The following PCDHGA1 variants were observed in gnomAD, a reference collection of about 807,000 sequenced individuals.
PCDHGA1 encodes the protein protocadherin gamma subfamily A, 1.
In PCDHGA1, 32 loss-of-function variants were observed where a neutral mutation model predicts 58.0. The ratio of observed to expected loss-of-function variants is 0.55; its 90% CI spans 0.42 to 0.74. The LOEUF (loss-of-function observed/expected upper bound fraction) is 0.74. Ranked by LOEUF, PCDHGA1 falls within the 30% of genes least tolerant of loss-of-function variation. The pLI is 0.00. For missense variants in PCDHGA1, 1,205 were observed against 1,182.3 expected, an observed-to-expected ratio of 1.02 and a Z score of -0.28; for synonymous variants, 498 against 501.1, an observed-to-expected ratio of 0.99 and a Z score of 0.08.
chr5:141,490,793 C>T lies in PCDHGA1; in HGVS notation c.2422-4014C>T, dbSNP rs2233608. 6 of 1,613,812 alleles carry T rather than the reference C, an allele frequency of 3.7e-6. No homozygotes were observed. The East Asian group carries it at 1.3e-4, about 36-fold the overall frequency. On this transcript the variant is annotated intron_variant, in intron 1 of 3. Transcript: ENST00000517417. This position sits in a 1 kb window ranked among gnomAD's most constrained non-coding sequence, Gnocchi z 5.4. Reference sequence around the variant, plus strand: ...AACCCAGAGGATGGACGGATCTTTGCCCAGCGTACCTTTGACTATGAATTG... The same window carrying T: ...AACCCAGAGGATGGACGGATCTTTGTCCAGCGTACCTTTGACTATGAATTG...
intron 1 of PCDHGA1, chr5:141,338,839 G>C: frequency 7.2e-7 from 1 of 1,393,596 alleles, no homozygotes; most frequent in Non-Finnish European, 9.3e-7. Flanking sequence ...AAATTCAGTC[G>C]AACAGCCCAC....
At chr5:141,344,519 A>AG in intron 1 of PCDHGA1, 1 of 1,613,986 alleles carries the variant, frequency 6.2e-7, no homozygotes, top group Non-Finnish European at 8.5e-7. Flanking sequence ...ACCCAGATGT[A>AG]GGCATTAACT....
Position 141,485,943 on chromosome 5 carries a change from C to T in PCDHGA1, c.2422-8864C>T, listed in dbSNP as rs750871245. On this transcript the variant is annotated intron_variant, in intron 1 of 3. Transcript: ENST00000517417. This position sits in a 1 kb window ranked among gnomAD's most constrained non-coding sequence, Gnocchi z 5.7. Reference sequence around the variant, plus strand: ...ATTAGTGTGTTGGAGAGCGCACCAGCGGGCATGGTGCTCATCCAGCTCAAT... The same window carrying T: ...ATTAGTGTGTTGGAGAGCGCACCAGTGGGCATGGTGCTCATCCAGCTCAAT... The T allele has an allele frequency of 1.9e-6, 3 of 1,614,126 alleles. No homozygotes were observed. In the South Asian group the frequency reaches 3.3e-5, roughly 18 times the overall value.
chr5:141,336,324 G>A (rs189809573), intron 1 of PCDHGA1, among the ~76,000 whole-genome samples: 163 of 152,062 alleles, frequency 1.1e-3, no homozygotes, highest in Middle Eastern at 3.4e-3. Flanking sequence ...GAATCCAGCC[G>A]GGGCAGTATA....
chr5:141,347,911 C>T (rs1478435010), intron 1 of PCDHGA1, among the ~76,000 whole-genome samples: 1 of 152,138 alleles, frequency 6.6e-6, no homozygotes, highest in African/African-American at 2.4e-5. Flanking sequence ...GGGTGGAAAG[C>T]TCACCTAGCT....
At chr5:141,444,864 A>G (rs1304165078) in intron 1 of PCDHGA1, among the ~76,000 whole-genome samples, 1 of 152,210 alleles carries the variant, frequency 6.6e-6, no homozygotes, top group African/African-American at 2.4e-5. Context: ...GTCTTACTAC[A>G]GGACAAAGCT....
intron 1 of PCDHGA1, chr5:141,403,454 C>T: frequency 6.2e-7 from 1 of 1,614,054 alleles, no homozygotes; most frequent in Non-Finnish European, 8.5e-7. Context: ...GAACTCCCTC[C>T]AGAGCTACCA....
chr5:141,463,990 G>C (rs2099073582), intron 1 of PCDHGA1, among the ~76,000 whole-genome samples: 1 of 151,990 alleles, frequency 6.6e-6, no homozygotes, highest in Admixed American at 6.6e-5. Context: ...TAAAAACCAG[G>C]TGCAGTGGCT....
intron 1 of PCDHGA1, chr5:141,478,551 G>A (rs759604162): frequency 6.2e-6 from 10 of 1,603,054 alleles, no homozygotes; most frequent in South Asian, 3.3e-5. Context: ...GGACAGGTAA[G>A]GTTTAGCAAG....
chr5:141,507,736 G>A (rs1562231670), intron 3 of PCDHGA1, among the ~76,000 whole-genome samples: 1 of 152,240 alleles, frequency 6.6e-6, no homozygotes. Flanking sequence ...CATGCAGCTC[G>A]TTCCCCTGTC....
intron 1 of PCDHGA1, chr5:141,357,312 C>T: frequency 1.2e-6 from 2 of 1,614,090 alleles, no homozygotes; most frequent in Non-Finnish European, 1.7e-6. Context: ...CCTGCGTCTT[C>T]CTGGCTTTTG....
At chr5:141,343,726 A>G (rs1161071565) in intron 1 of PCDHGA1, 1 of 251,022 alleles carries the variant, frequency 4.0e-6, no homozygotes, top group African/African-American at 2.2e-5. Flanking sequence ...ATCTTGGATA[A>G]TTCAAAAATA....
chr5:141,432,611 T>C lies in PCDHGA1; in HGVS notation c.2422-62196T>C, dbSNP rs141541670. On this transcript the variant is annotated intron_variant, in intron 1 of 3. Transcript: ENST00000517417. This position sits in a 1 kb window ranked among gnomAD's most constrained non-coding sequence, Gnocchi z 6.0. ...CAAGGCCAGCGAGCCGGGACTCTTC[T>C]CGGTGGGTCTGCACACGGGCGAGGT... The C allele has an allele frequency of 2.5e-6, 4 of 1,613,860 alleles. No homozygotes were observed. In the South Asian group the frequency reaches 4.4e-5, roughly 18 times the overall value.
intron 1 of PCDHGA1, chr5:141,413,324 G>A: frequency 6.2e-7 from 1 of 1,613,968 alleles, no homozygotes; most frequent in South Asian, 1.1e-5. Context: ...TCTTTCGTGG[G>A]CAACATCTCC....
At chr5:141,343,885 G>T in intron 1 of PCDHGA1, 1 of 650,068 alleles carries the variant, frequency 1.5e-6, no homozygotes. Context: ...AGAAGATCCG[G>T]GGCGGCTGCC....
In PCDHGA1 at chr5:141,432,961, A is replaced by T. The variant is rs1457416543; in HGVS notation, c.2422-61846A>T. The T allele has an allele frequency of 1.5e-5, 25 of 1,613,952 alleles. 1 individual carries two copies. The South Asian group carries it at 2.3e-4, about 15-fold the overall frequency. ...AGGCTTCAGGAGGCGGCTTGACAGG[A>T]GCGCCGGCGTCGCACTTTGTGGGCG... On this transcript the variant is annotated intron_variant, in intron 1 of 3. Coordinates refer to ENST00000517417, the MANE Select transcript of PCDHGA1 (RefSeq NM_018912.3). This position sits in a 1 kb window ranked among gnomAD's most constrained non-coding sequence, Gnocchi z 6.0.
At chr5:141,442,253 G>A (rs910914393) in intron 1 of PCDHGA1, 2 of 153,064 alleles carry the variant, frequency 1.3e-5, no homozygotes, top group Non-Finnish European at 2.9e-5. Flanking sequence ...TGCATTGTTT[G>A]TGCTGGTTTT....
intron 1 of PCDHGA1, chr5:141,399,375 C>T (rs548275013): frequency 1.9e-6 from 3 of 1,614,016 alleles, no homozygotes; most frequent in South Asian, 2.2e-5. Flanking sequence ...AGTACAATGT[C>T]ACCATCACAG....
chr5:141,370,865 G>T (rs749306291), intron 1 of PCDHGA1: 1 of 1,614,004 alleles, frequency 6.2e-7, no homozygotes, highest in Non-Finnish European at 8.5e-7. Context: ...TGGAATCTGC[G>T]CAAGATCCTG....
Sources: gnomAD v4.1 joint callset for allele counts (sites outside exome capture counted in the v4.1 genomes callset) on GRCh38, gnomAD v4.1.1 for gene constraint, Gnocchi (gnomAD v3.1) non-coding constraint, MANE v1.5 for transcripts, NCBI Gene and HGNC (gene_info 2026-07-23, HGNC 2026-07-21) for gene names.